Variants in RERE observed in about 807,000 individuals in gnomAD.
RERE encodes arginine-glutamic acid dipeptide repeats protein.
In RERE, 40 loss-of-function variants were observed where a neutral mutation model predicts 146.1. The ratio of observed to expected loss-of-function variants is 0.27; its 90% CI spans 0.21 to 0.36. The LOEUF (loss-of-function observed/expected upper bound fraction) is 0.36, where lower values mean the gene tolerates loss of function less well. Ranked by LOEUF, RERE falls within the 10% of genes least tolerant of loss-of-function variation. The probability of loss-of-function intolerance (pLI) is 1.00; values close to 1 mark genes in which losing one functional copy is unlikely to be tolerated. For synonymous variants in RERE, 1,003 were observed against 866.0 expected (o/e 1.16, Z -2.78); for missense variants, 1,933 against 2,138.7 (o/e 0.90, Z 1.90).
intron 7 of RERE, among the ~76,000 whole-genome samples, chr1:8,511,305 A>G (rs1645332526): frequency 1.3e-5 from 2 of 152,234 alleles, no homozygotes; most frequent in African/African-American, 2.4e-5. Context: ...AAGAGTACTA[A>G]TAAGTAGGCT....
At chr1:8,749,642 A>AGTC (rs1021806429) in intron 1 of RERE, among the ~76,000 whole-genome samples, 5 of 152,366 alleles carry the variant, frequency 3.3e-5, no homozygotes, top group Admixed American at 3.3e-4. Flanking sequence ...CAGAAAGGAC[A>AGTC]GGAGGCCATT....
chr1:8,365,648 C>G (rs1302215202), intron 13 of RERE, among the ~76,000 whole-genome samples, 164 bp downstream of exon 13: 1 of 152,238 alleles, frequency 6.6e-6, no homozygotes, highest in Non-Finnish European at 1.5e-5. Flanking sequence ...TCCCCGCCCC[C>G]ACCATCGGTC....
chr1:8,376,972 T>C (rs11121176), intron 12 of RERE, among the ~76,000 whole-genome samples: 24,389 of 152,280 alleles, frequency 0.16, 2,212 homozygotes, highest in South Asian at 0.28. Context: ...AAGCAATAGA[T>C]AACTATTGGT....
At chr1:8,750,396 T>C in intron 1 of RERE, 5 of 707,300 alleles carry the variant, frequency 7.1e-6, no homozygotes, top group Non-Finnish European at 1.0e-5. Flanking sequence ...CAGTAGTCTT[T>C]TAAAAACCAG....
At chr1:8,687,273 G>A (rs545947927) in intron 1 of RERE, among the ~76,000 whole-genome samples, 3 of 152,302 alleles carry the variant, frequency 2.0e-5, no homozygotes, top group Non-Finnish European at 4.4e-5. Flanking sequence ...CTATACACAA[G>A]CAGTGGGGAA....
intron 7 of RERE, among the ~76,000 whole-genome samples, chr1:8,535,543 A>G (rs2124378758): frequency 6.6e-6 from 1 of 152,368 alleles, no homozygotes; most frequent in East Asian, 1.9e-4. Flanking sequence ...TCTACTTACA[A>G]GGAACTATTC....
chr1:8,567,662 T>C (rs1000717283), intron 4 of RERE, among the ~76,000 whole-genome samples: 3 of 152,246 alleles, frequency 2.0e-5, no homozygotes, highest in African/African-American at 7.2e-5. Context: ...TAGGATTATA[T>C]TGTGTATGAA....
At chr1:8,622,510 A>AAAAAC (rs1553123240) in intron 3 of RERE, among the ~76,000 whole-genome samples, 1 of 77,190 alleles carries the variant, frequency 1.3e-5, no homozygotes, top group Non-Finnish European at 2.6e-5. Context: ...AAAAAAAAAA[A>AAAAAC]ACACACTTTG....
chr1:8,560,064 C>T (rs1271392888), intron 4 of RERE, among the ~76,000 whole-genome samples: 1 of 152,056 alleles, frequency 6.6e-6, no homozygotes, highest in Non-Finnish European at 1.5e-5. Context: ...AAAGCAGGAC[C>T]AGGATAAGAT....
intron 7 of RERE, among the ~76,000 whole-genome samples, chr1:8,531,253 G>A (rs1221534780): frequency 6.6e-6 from 1 of 151,992 alleles, no homozygotes; most frequent in Non-Finnish European, 1.5e-5. Flanking sequence ...GACCAGCCTG[G>A]CCAATGGGGT....
intron 4 of RERE, among the ~76,000 whole-genome samples, chr1:8,608,426 C>T (rs531654618): frequency 1.3e-5 from 2 of 152,166 alleles, no homozygotes; most frequent in East Asian, 1.9e-4. Context: ...ATCACCTGAG[C>T]CCAGGAGGTT....
intron 6 of RERE, among the ~76,000 whole-genome samples, chr1:8,555,647 T>C (rs1645998655): frequency 6.6e-6 from 1 of 152,294 alleles, no homozygotes; most frequent in South Asian, 2.1e-4. Context: ...TTATTTCCAG[T>C]GAGGAAAGGG....
chr1:8,750,570 A>C lies in RERE; in HGVS notation c.-145+66590T>G. On this transcript the variant is annotated intron_variant, in intron 1 of 22. Transcript: ENST00000400908. ...AACATGCTTTGAAAGGCAAGGAAGA[A>C]GCTTATTTATGAAAAAGCAAAGCAC... The C allele has an allele frequency of 3.0e-6, 3 of 1,003,758 alleles. No individual in the cohort carries two copies. In the South Asian group the frequency reaches 3.8e-5, roughly 13 times the overall value. The allele number at this position is 1,003,758 out of a possible 1,614,324, so 62.2% of individuals were successfully genotyped here. A position where few individuals can be genotyped will look rare whatever the true frequency, so the allele number is the denominator to read the frequency against.
intron 12 of RERE, among the ~76,000 whole-genome samples, chr1:8,421,453 A>G (rs1643908598): frequency 6.6e-6 from 1 of 152,162 alleles, no homozygotes; most frequent in Non-Finnish European, 1.5e-5. Context: ...AATGTTCATA[A>G]ACAGGTTTCT....
chr1:8,493,306 G>T (rs558404877), intron 10 of RERE, among the ~76,000 whole-genome samples: 6 of 152,142 alleles, frequency 3.9e-5, no homozygotes, highest in African/African-American at 9.6e-5. Context: ...TCAAAATAAA[G>T]ATTTTGTATT....
At position 8,423,528 on chromosome 1, in the gene RERE, C is replaced by A. The variant is rs550563240; in HGVS notation, c.1204-721G>T. ...GCCTCCCGAGCACCCCTCCCCGCCC[C>A]GGTGGGGGCAGCTCCTGGCTCCGAG... On this transcript the variant is annotated intron_variant, in intron 11 of 22. Transcript: ENST00000400908. This position sits in a 1 kb window ranked among gnomAD's most constrained non-coding sequence, Gnocchi z 5.4. 189 of 984,730 alleles carry A rather than the reference C, an allele frequency of 1.9e-4. No individual in the cohort carries two copies. Among genetic ancestry groups the A allele is most frequent in the Non-Finnish European group, 2.2e-4 (184 of 829,454 alleles). The allele number at this position is 984,730 out of a possible 1,614,324, so 61.0% of individuals were successfully genotyped here. A position where few individuals can be genotyped will look rare whatever the true frequency, so the allele number is the denominator to read the frequency against.
intron 1 of RERE, among the ~76,000 whole-genome samples, chr1:8,810,742 G>A (rs1360905611): frequency 6.6e-6 from 1 of 152,164 alleles, no homozygotes; most frequent in Non-Finnish European, 1.5e-5. Context: ...GGGTAAGGGA[G>A]GAAAATGAAA....
At chr1:8,812,594 C>T (rs1354101606) in intron 1 of RERE, among the ~76,000 whole-genome samples, 2 of 152,168 alleles carry the variant, frequency 1.3e-5, no homozygotes, top group African/African-American at 2.4e-5. Context: ...TGCAGTGAGC[C>T]GAGATCGTGC....
At chr1:8,433,555 T>G (rs1358967154) in intron 11 of RERE, among the ~76,000 whole-genome samples, 2 of 146,122 alleles carry the variant, frequency 1.4e-5, no homozygotes, top group East Asian at 3.9e-4. Flanking sequence ...ATTCATTTCT[T>G]TTTTTTTTTT....
Sources: allele counts gnomAD v4.1 joint callset (sites outside exome capture counted in the v4.1 genomes callset), GRCh38; gene constraint gnomAD v4.1.1; non-coding constraint Gnocchi (gnomAD v3.1); transcripts MANE v1.5; gene names NCBI Gene and HGNC (gene_info 2026-07-23, HGNC 2026-07-21).